DLGAP4: variants seen among roughly 807,000 people sequenced by gnomAD.
DLGAP4 encodes DLG associated protein 4.
DLGAP4 carries 18 observed loss-of-function variants against 86.9 expected under a neutral mutation model. That is an observed-to-expected ratio of 0.21 (90% CI 0.14 to 0.31). DLGAP4 has a LOEUF of 0.31. Among genes scored for constraint, DLGAP4 ranks in the 10% least tolerant of loss-of-function variants. The pLI is 1.00. For missense variants in DLGAP4, 1,085 were observed against 1,362.6 expected (o/e 0.80, Z 3.21); for synonymous variants, 548 against 574.3 (o/e 0.95, Z 0.65).
chr20:36,358,380 T>G (rs1363131312), intron 1 of DLGAP4, among the ~76,000 whole-genome samples: 2 of 152,382 alleles, frequency 1.3e-5, no homozygotes, highest in Non-Finnish European at 1.5e-5. Context: ...GGCACATCTC[T>G]TCTCCTGTCA....
intron 2 of DLGAP4, among the ~76,000 whole-genome samples, chr20:36,413,899 T>G (rs1403405996): frequency 6.6e-6 from 1 of 152,154 alleles, no homozygotes; most frequent in Non-Finnish European, 1.5e-5. Context: ...ATGCTTCCCA[T>G]GTTAAGAAAC....
At position 36,439,711 on chromosome 20, in the gene DLGAP4, C is replaced by A. The variant is rs745448433; in HGVS notation, c.1242-43C>A. 4 of 1,563,560 alleles carry A rather than the reference C, an allele frequency of 2.6e-6. No individual in the cohort carries two copies. The South Asian group carries it at 4.5e-5, about 18-fold the overall frequency. On this transcript the variant is annotated intron_variant, in intron 4 of 12. Transcript: ENST00000339266. ...TCAAGGCCTCCAAAAGCTGGGTGAA[C>A]AATGGGTGGGCTGAGCCCTGTCTGC...
chr20:36,325,532 G>A (rs1373512354), intron 1 of DLGAP4, among the ~76,000 whole-genome samples: 1 of 152,084 alleles, frequency 6.6e-6, no homozygotes, highest in Non-Finnish European at 1.5e-5. Flanking sequence ...CAATTATTGA[G>A]AGAGAGCTAT....
intron 8 of DLGAP4, 22 bp downstream of exon 8, chr20:36,497,088 T>C: frequency 1.3e-6 from 2 of 1,566,950 alleles, no homozygotes; most frequent in Non-Finnish European, 1.7e-6. Context: ...TTTTGCACTC[T>C]GTGTCCTCAG....
At chr20:36,423,884 C>T (rs1393823049) in intron 2 of DLGAP4, among the ~76,000 whole-genome samples, 5 of 151,822 alleles carry the variant, frequency 3.3e-5, no homozygotes, top group African/African-American at 7.3e-5. Flanking sequence ...TGCTTGAACC[C>T]GGGAGGCAGA....
At chr20:36,362,146 G>A (rs1252831883) in intron 1 of DLGAP4, among the ~76,000 whole-genome samples, 2 of 151,916 alleles carry the variant, frequency 1.3e-5, no homozygotes, top group African/African-American at 2.4e-5. Context: ...ACAAAAATTA[G>A]CTACTTGGGA....
chr20:36,491,504 G>A (rs1202986066), intron 7 of DLGAP4, among the ~76,000 whole-genome samples: 1 of 152,162 alleles, frequency 6.6e-6, no homozygotes, highest in African/African-American at 2.4e-5. Flanking sequence ...TGGTTTAGGG[G>A]CTGGCAGGAA....
rs1281446333 is a variant in DLGAP4 at position 36,527,889 on chromosome 20, G to C, written c.*858G>C. On this transcript the variant is annotated 3_prime_UTR_variant, in exon 13 of 13. Transcript: ENST00000339266. Reference sequence around the variant, plus strand: ...CAGGGGGCCGTCAGTCCTCAGCCGCGCCTGTGTCCGGTGCCCGAGGGGCGG... The same window carrying C: ...CAGGGGGCCGTCAGTCCTCAGCCGCCCCTGTGTCCGGTGCCCGAGGGGCGG... 6.5e-6 allele frequency: 1 copy of C among 152,722 alleles called. No homozygotes were observed. Among genetic ancestry groups the C allele is most frequent in the Non-Finnish European group, 1.5e-5 (1 of 68,124 alleles). 9.5% of individuals were successfully genotyped at this position (152,722 alleles called of 1,614,324 possible).
At chr20:36,347,162 A>C (rs1173275889) in intron 1 of DLGAP4, among the ~76,000 whole-genome samples, 3 of 152,010 alleles carry the variant, frequency 2.0e-5, no homozygotes, top group Non-Finnish European at 4.4e-5. Flanking sequence ...GCAGAACCTC[A>C]AGGAAGGCTG....
chr20:36,410,173 G>A (rs1325645588), intron 2 of DLGAP4, among the ~76,000 whole-genome samples: 1 of 152,138 alleles, frequency 6.6e-6, no homozygotes, highest in African/African-American at 2.4e-5. Flanking sequence ...ATTGGTAGCT[G>A]CATACTGTAG....
At chr20:36,502,759 T>C (rs2147784365) in intron 10 of DLGAP4, among the ~76,000 whole-genome samples, 1 of 152,306 alleles carries the variant, frequency 6.6e-6, no homozygotes, top group Non-Finnish European at 1.5e-5. Flanking sequence ...AGTCTTGCTC[T>C]GTCGCCCAGG....
chr20:36,404,354 G>A (rs1390329219), intron 2 of DLGAP4, among the ~76,000 whole-genome samples: 1 of 152,118 alleles, frequency 6.6e-6, no homozygotes, highest in Non-Finnish European at 1.5e-5. Flanking sequence ...GCCAGAGGGG[G>A]ACACAGAGGC....
intron 7 of DLGAP4, among the ~76,000 whole-genome samples, chr20:36,477,927 T>G (rs964873927): frequency 6.6e-6 from 1 of 152,228 alleles, no homozygotes; most frequent in African/African-American, 2.4e-5. Flanking sequence ...CCTCCACAAG[T>G]TGCAGCTTTT....
At chr20:36,348,822 C>T (rs890067723) in intron 1 of DLGAP4, among the ~76,000 whole-genome samples, 6 of 151,678 alleles carry the variant, frequency 4.0e-5, no homozygotes, top group Non-Finnish European at 8.8e-5. Flanking sequence ...GATATGGGGC[C>T]AGGCGTGGTG....
chr20:36,337,286 T>C (rs1297801156), intron 1 of DLGAP4, among the ~76,000 whole-genome samples: 4 of 143,862 alleles, frequency 2.8e-5, no homozygotes, highest in African/African-American at 5.2e-5. Context: ...ATTCGCTCAA[T>C]AATTCATGGA....
Position 36,307,341 on chromosome 20 carries a change from G to T in DLGAP4, c.-304+829G>T, listed in dbSNP as rs977328389. On this transcript the variant is annotated intron_variant, in intron 1 of 12. Coordinates refer to ENST00000339266, the MANE Select transcript of DLGAP4 (RefSeq NM_001365621.2). ...CTGGGCCTGCTGGAAGGGGACAGGT[G>T]CTACCTGGACGTGTAATGGCCCTTG... Among the ~76,000 whole-genome samples the T allele has an allele frequency of 2.0e-5, 3 of 152,328 alleles. 1 individual carries two copies. Among genetic ancestry groups the T allele is most frequent in the South Asian group, 2.1e-4 (1 of 4,828 alleles).
chr20:36,363,986 G>A (rs2030604585), intron 1 of DLGAP4, among the ~76,000 whole-genome samples: 1 of 152,210 alleles, frequency 6.6e-6, no homozygotes, highest in Non-Finnish European at 1.5e-5. Context: ...GCCAGGGAGG[G>A]CTTCCTGGAG....
intron 1 of DLGAP4, among the ~76,000 whole-genome samples, chr20:36,340,780 G>GA (rs1555892420): frequency 1.3e-5 from 2 of 152,206 alleles, no homozygotes; most frequent in East Asian, 3.9e-4. Flanking sequence ...CTGGTCCCTC[G>GA]GGGGGCTGTC....
intron 1 of DLGAP4, among the ~76,000 whole-genome samples, chr20:36,318,104 TCTCACACACACACA>T (rs1327285718): frequency 6.6e-5 from 7 of 106,580 alleles, no homozygotes; most frequent in African/African-American, 2.4e-4. Context: ...AAATGTGTCC[TCTCACACACACACA>T]CACACACACA....
Sources: allele counts gnomAD v4.1 joint callset (sites outside exome capture counted in the v4.1 genomes callset), GRCh38; gene constraint gnomAD v4.1.1; transcripts MANE v1.5; gene names NCBI Gene and HGNC (gene_info 2026-07-23, HGNC 2026-07-21).